Variants in ZAP70 observed in about 807,000 individuals in gnomAD.
The protein encoded by ZAP70 is zeta chain of T cell receptor associated protein kinase 70, also known as tyrosine-protein kinase ZAP-70.
In ZAP70, 27 loss-of-function variants were observed where a neutral mutation model predicts 65.8. The ratio of observed to expected loss-of-function variants is 0.41; its 90% CI spans 0.30 to 0.57. ZAP70 has a LOEUF of 0.57. ZAP70 is among the 20% of genes least tolerant of loss of function. The pLI is 0.28. For missense variants in ZAP70, 696 were observed against 870.5 expected, an observed-to-expected ratio of 0.80 and a Z score of 2.52; for synonymous variants, 363 against 360.8, an observed-to-expected ratio of 1.01 and a Z score of -0.07.
the ZAP70 span, among the ~76,000 whole-genome samples, chr2:97,747,519 C>T: frequency 1.3e-5 from 2 of 152,100 alleles, no homozygotes; most frequent in African/African-American, 4.8e-5. Flanking sequence ...ATGGGCAAAT[C>T]CAGAGAGACA....
the ZAP70 span, among the ~76,000 whole-genome samples, chr2:97,749,731 C>T: frequency 6.6e-6 from 1 of 152,152 alleles, no homozygotes; most frequent in African/African-American, 2.4e-5. Flanking sequence ...AAATCCAGTC[C>T]CTCTAAGAAC....
chr2:97,753,358 GA>G, the ZAP70 span, among the ~76,000 whole-genome samples: 2 of 152,134 alleles, frequency 1.3e-5, no homozygotes, highest in African/African-American at 2.4e-5. Flanking sequence ...CAATTGGAAA[GA>G]AAAAACATCA....
At chr2:97,735,047 C>T in intron 9 of ZAP70, 3 of 686,708 alleles carry the variant, frequency 4.4e-6, no homozygotes, top group South Asian at 1.9e-5. Context: ...ATGGGCTGTT[C>T]CCGGTGAGCG....
At chr2:97,724,998 G>A in intron 3 of ZAP70, 94 bp from the exon 4 acceptor site, 1 of 1,579,242 alleles carries the variant, frequency 6.3e-7, no homozygotes, top group South Asian at 1.1e-5. Flanking sequence ...GCCTGGGTGG[G>A]GTGGGGAGTC....
At position 97,736,643 on chromosome 2, in the gene ZAP70, C is replaced by T. The variant is rs182269482; in HGVS notation, c.1290-830C>T. ...CCAGGGGGTTGGGAGTGTTGGGGTG[C>T]GAGGTGCAGTGAGCAGGGAGGTTTG... is the stretch of plus-strand genomic sequence containing the variant. On this transcript the variant is annotated intron_variant, in intron 10 of 13. Transcript: ENST00000264972. This position sits in a 1 kb window ranked among gnomAD's most constrained non-coding sequence, Gnocchi z 4.0. 6.6e-6 allele frequency among the ~76,000 whole-genome samples: 1 copy of T among 152,192 alleles called. No individual in the cohort carries two copies. Among genetic ancestry groups the T allele is most frequent in the Admixed American group, 6.5e-5 (1 of 15,280 alleles).
Position 97,737,598 on chromosome 2 carries a change from G to C in ZAP70, c.1415G>C (p.Arg472Pro), listed in dbSNP as rs758807149. 1 of 1,613,962 alleles carries C rather than the reference G, an allele frequency of 6.2e-7. No homozygotes were observed. Among genetic ancestry groups the C allele is most frequent in the Admixed American group, 1.7e-5 (1 of 59,988 alleles). Reference protein sequence around the residue: ...LAARNVLLVNRHYAKISDFGL... With the variant: ...LAARNVLLVNPHYAKISDFGL... ...GCCCGCAACGTCCTGCTGGTTAACC[G>C]GCACTACGCCAAGATCAGCGACTTT... The change falls in exon 11 of 14, where the codon CGG (arginine) becomes CCG (proline). Residue 472 changes from arginine to proline, a missense_variant. Physicochemically the swap from Arg to Pro is moderately radical, Grantham distance 103 (BLOSUM62 -2). Around this residue, in one of 3 missense-constraint regions of ZAP70, gnomAD observed 67 missense variants for 151.9 expected, o/e 0.44. Coordinates refer to ENST00000264972, the MANE Select transcript of ZAP70 (RefSeq NM_001079.4). The surrounding 1 kb of genome is among the most constrained non-coding windows in gnomAD (Gnocchi z 5.0).
chr2:97,729,338 G>C (rs960212906), intron 4 of ZAP70, among the ~76,000 whole-genome samples: 1 of 152,198 alleles, frequency 6.6e-6, no homozygotes, highest in Non-Finnish European at 1.5e-5. Context: ...GTTAGTCCTA[G>C]GTAGCAATTA....
At chr2:97,752,136 A>T in the ZAP70 span, among the ~76,000 whole-genome samples, 2 of 152,098 alleles carry the variant, frequency 1.3e-5, no homozygotes, top group African/African-American at 4.8e-5. Flanking sequence ...ACAAACAATA[A>T]CCAGAATGTA....
chr2:97,720,392 T>C (rs1181030361), intron 2 of ZAP70, among the ~76,000 whole-genome samples: 1 of 152,102 alleles, frequency 6.6e-6, no homozygotes, highest in Non-Finnish European at 1.5e-5. Context: ...CACGCCCGAC[T>C]AATTTTTTTG....
In ZAP70 at chr2:97,715,337, G is replaced by A. The variant is rs1163422752; in HGVS notation, c.-22+1343G>A. On this transcript the variant is annotated intron_variant, in intron 2 of 13. Transcript: ENST00000264972. The surrounding 1 kb of genome is among the most constrained non-coding windows in gnomAD (Gnocchi z 4.1). ...AGCATGTCCAGGACAGGAATCCTGT[G>A]AACAGCCTACAAGGCCCAGGACAGT... Among the ~76,000 whole-genome samples the A allele has an allele frequency of 6.6e-6, 1 of 152,194 alleles. No individual in the cohort carries two copies. Among genetic ancestry groups the A allele is most frequent in the African/African-American group, 2.4e-5 (1 of 41,438 alleles).
At chr2:97,739,105 CCT>C (rs1301615262) in intron 13 of ZAP70, among the ~76,000 whole-genome samples, 2 of 152,180 alleles carry the variant, frequency 1.3e-5, no homozygotes, top group Non-Finnish European at 2.9e-5. Context: ...CACTCAGTCC[CCT>C]GAGTCCTCAC....
chr2:97,714,852 C>T (rs1210975099), intron 2 of ZAP70, among the ~76,000 whole-genome samples: 1 of 152,140 alleles, frequency 6.6e-6, no homozygotes, highest in Admixed American at 6.5e-5. Context: ...ATCCTCAGCC[C>T]CACTGCCCTG....
At position 97,735,306 on chromosome 2, in the gene ZAP70, C is replaced by T. The variant is rs1573284696; in HGVS notation, c.1139C>T (p.Thr380Met). ...VLKQGTEKAD[T>M]EEMMREAQIM... ...AAGCAGGGCACGGAGAAGGCAGACA[C>T]GGAAGAGATGATGCGCGAGGCGCAG... Residue 380 changes from threonine (T) to methionine (M), a missense_variant, in exon 10 of 14, where the codon ACG (threonine) becomes ATG (methionine). Coordinates refer to ENST00000264972, the MANE Select transcript of ZAP70 (RefSeq NM_001079.4). 1.9e-6 allele frequency: 3 copies of T among 1,614,140 alleles called. No individual in the cohort carries two copies. The highest frequency in any genetic ancestry group is 2.5e-6 in the Non-Finnish European group (3 of 1,179,988).
At chr2:97,727,208 C>T (rs1367131120) in intron 4 of ZAP70, among the ~76,000 whole-genome samples, 1 of 152,242 alleles carries the variant, frequency 6.6e-6, no homozygotes, top group African/African-American at 2.4e-5. Flanking sequence ...ACGACCAAAA[C>T]CAAAGTCACT....
chr2:97,739,664 CT>C lies in ZAP70; in HGVS notation c.*167del, dbSNP rs1482968808. The C allele has an allele frequency of 9.0e-7, 1 of 1,106,544 alleles. No homozygotes were observed. The highest frequency in any genetic ancestry group is 1.3e-6 in the Non-Finnish European group (1 of 785,310). The allele number at this position is 1,106,544 out of a possible 1,614,324, so 68.5% of individuals were successfully genotyped here. On this transcript the variant is annotated 3_prime_UTR_variant, in exon 14 of 14. Transcript: ENST00000264972. The stretch of plus-strand genomic sequence containing the variant: ...GGCCTTGCATTGCCTGCCTGGCCCC[CT>C]GTCCTCTCTGGCTGGGGAGCAGGGA...
At chr2:97,744,081 G>C (rs1678189971), downstream of ZAP70, among the ~76,000 whole-genome samples, 1 of 152,202 alleles carries the variant, frequency 6.6e-6, no homozygotes, top group African/African-American at 2.4e-5. Context: ...ACATTTCACA[G>C]ATGAGGCACC....
chr2:97,725,006 G>C, intron 3 of ZAP70, 86 bp from the exon 4 acceptor site: 1 of 1,587,540 alleles, frequency 6.3e-7, no homozygotes, highest in South Asian at 1.1e-5. Context: ...GGGGTGGGGA[G>C]TCCTCTGGGA....
intron 2 of ZAP70, among the ~76,000 whole-genome samples, chr2:97,717,531 G>T (rs1208771376): frequency 2.0e-5 from 3 of 151,750 alleles, no homozygotes; most frequent in African/African-American, 7.3e-5. Context: ...AGCTTGTGCT[G>T]CTCCTGCCCG....
chr2:97,735,596 AC>A, intron 10 of ZAP70, 140 bp downstream of exon 10: 1 of 968,022 alleles, frequency 1.0e-6, no homozygotes, highest in Middle Eastern at 3.4e-4. Flanking sequence ...CAGCCTGCAC[AC>A]CCACACCCAT....
Sources: gnomAD v4.1 joint callset for allele counts (sites outside exome capture counted in the v4.1 genomes callset) on GRCh38, gnomAD v4.1.1 for gene constraint, gnomAD v4.1.1 regional missense constraint, Gnocchi (gnomAD v3.1) non-coding constraint, MANE v1.5 for transcripts, NCBI Gene and HGNC (gene_info 2026-07-23, HGNC 2026-07-21) for gene names.